Variants in ARHGAP15 observed in about 807,000 individuals in gnomAD.
ARHGAP15 encodes Rho GTPase activating protein 15.
ARHGAP15 carries 51 observed loss-of-function variants against 63.7 expected under a neutral mutation model. That is an observed-to-expected ratio of 0.80 (90% confidence interval 0.64 to 1.01). The LOEUF (loss-of-function observed/expected upper bound fraction) is 1.01. Ranked by LOEUF, ARHGAP15 falls within the 50% of genes least tolerant of loss-of-function variation. The pLI is 0.00. For synonymous variants in ARHGAP15, 191 were observed against 193.8 expected (o/e 0.99, Z 0.12); for missense variants, 560 against 564.6 (o/e 0.99, Z 0.08).
At chr2:143,275,574 C>A (rs1359196157) in intron 6 of ARHGAP15, among the ~76,000 whole-genome samples, 2 of 152,188 alleles carry the variant, frequency 1.3e-5, no homozygotes, top group African/African-American at 4.8e-5. Flanking sequence ...ATTCTCATTA[C>A]TTACTTGAAA....
At chr2:143,707,270 G>T (rs1176585201) in intron 13 of ARHGAP15, among the ~76,000 whole-genome samples, 1 of 152,142 alleles carries the variant, frequency 6.6e-6, no homozygotes, top group African/African-American at 2.4e-5. Context: ...ATTTTTCAAA[G>T]GAAAAGTCCA....
chr2:143,560,846 C>T (rs912307065), intron 11 of ARHGAP15, among the ~76,000 whole-genome samples: 5 of 152,186 alleles, frequency 3.3e-5, no homozygotes, highest in African/African-American at 1.2e-4. Context: ...CGAGGATTCT[C>T]GATTTACTAG....
chr2:143,607,959 C>T (rs1440658090), intron 11 of ARHGAP15: 1 of 152,122 alleles, frequency 6.6e-6, no homozygotes, highest in Non-Finnish European at 1.5e-5. Flanking sequence ...CAAATGTAAG[C>T]ATATTATCAT....
At chr2:143,614,561 A>G (rs1698386303) in intron 11 of ARHGAP15, among the ~76,000 whole-genome samples, 1 of 152,074 alleles carries the variant, frequency 6.6e-6, no homozygotes, top group Non-Finnish European at 1.5e-5. Flanking sequence ...TTGGTATTAT[A>G]TTATGAAATA....
intron 10 of ARHGAP15, among the ~76,000 whole-genome samples, chr2:143,529,354 T>C (rs951502614): frequency 1.8e-4 from 27 of 152,142 alleles, no homozygotes. Context: ...GTGACCTTGA[T>C]TGGGCCTCCA....
intron 12 of ARHGAP15, among the ~76,000 whole-genome samples, chr2:143,626,608 TC>T (rs1698845831): frequency 6.6e-6 from 1 of 152,102 alleles, no homozygotes; most frequent in Non-Finnish European, 1.5e-5. Flanking sequence ...CCCTTATTTG[TC>T]CCCTCCCATG....
At chr2:143,449,855 G>A (rs1046630464) in intron 8 of ARHGAP15, among the ~76,000 whole-genome samples, 2 of 151,604 alleles carry the variant, frequency 1.3e-5, no homozygotes, top group African/African-American at 4.8e-5. Context: ...ACCAAAATGG[G>A]CAAATAATCA....
At chr2:143,646,061 A>G (rs1409566685) in intron 12 of ARHGAP15, among the ~76,000 whole-genome samples, 1 of 152,104 alleles carries the variant, frequency 6.6e-6, no homozygotes, top group Admixed American at 6.6e-5. Flanking sequence ...TAATGTTGAA[A>G]GTAGAAACAG....
chr2:143,371,246 C>T (rs1055703160), intron 6 of ARHGAP15, among the ~76,000 whole-genome samples: 3 of 152,182 alleles, frequency 2.0e-5, no homozygotes, highest in African/African-American at 7.2e-5. Flanking sequence ...GGGTTTGCTG[C>T]ACCTATTAAC....
chr2:143,162,556 G>T (rs1337834796), intron 2 of ARHGAP15: 1 of 151,948 alleles, frequency 6.6e-6, no homozygotes, highest in Non-Finnish European at 1.5e-5. Context: ...AGACATAAAG[G>T]AGAATTACTG....
Position 143,134,455 on chromosome 2 carries a change from C to T in ARHGAP15, c.-15+4989C>T, listed in dbSNP as rs1689049615. ...TTCTGCTATTATGGTTAAAATTGATCTTCTTTTTAAAAGATTAAAGGTCGA... is the reference window on the plus strand; with the variant it reads ...TTCTGCTATTATGGTTAAAATTGATTTTCTTTTTAAAAGATTAAAGGTCGA... On this transcript the variant is annotated intron_variant, in intron 1 of 13. Coordinates refer to ENST00000295095, the MANE Select transcript of ARHGAP15 (RefSeq NM_018460.4). 1.3e-5 allele frequency among the ~76,000 whole-genome samples: 2 copies of T among 152,100 alleles called. 1 individual carries two copies. The highest frequency in any genetic ancestry group is 4.1e-4 in the South Asian group (2 of 4,830).
At chr2:143,293,723 G>A (rs955473517) in intron 6 of ARHGAP15, among the ~76,000 whole-genome samples, 2 of 151,950 alleles carry the variant, frequency 1.3e-5, no homozygotes, top group Non-Finnish European at 2.9e-5. Context: ...TGGGAGGAAG[G>A]AAACGGAAAG....
At chr2:143,145,839 G>GGT (rs4008348) in intron 1 of ARHGAP15, among the ~76,000 whole-genome samples, 2,838 of 142,784 alleles carry the variant, frequency 0.02, 41 homozygotes, top group African/African-American at 0.042. Flanking sequence ...TATGTATAGG[G>GGT]GTGTGTGTGT....
intron 1 of ARHGAP15, among the ~76,000 whole-genome samples, chr2:143,130,226 C>T (rs545257581): frequency 2.0e-5 from 3 of 151,890 alleles, no homozygotes; most frequent in East Asian, 3.9e-4. Flanking sequence ...AATAATAAAC[C>T]TTAGAAATGA....
At chr2:143,370,733 G>GTA (rs1221609217) in intron 6 of ARHGAP15, among the ~76,000 whole-genome samples, 1 of 152,168 alleles carries the variant, frequency 6.6e-6, no homozygotes, top group African/African-American at 2.4e-5. Flanking sequence ...ATGTGGACTA[G>GTA]TATACTTCAT....
intron 5 of ARHGAP15, among the ~76,000 whole-genome samples, chr2:143,232,629 C>A (rs1390296238): frequency 1.3e-5 from 2 of 152,116 alleles, no homozygotes; most frequent in African/African-American, 4.8e-5. Flanking sequence ...GAGTTATAGA[C>A]CCTGCCAGCC....
At chr2:143,486,368 C>T (rs942385908) in intron 8 of ARHGAP15, among the ~76,000 whole-genome samples, 2 of 148,610 alleles carry the variant, frequency 1.3e-5, no homozygotes, top group African/African-American at 5.0e-5. Context: ...CCCAGGAGTT[C>T]GAGACCAGCC....
chr2:143,700,856 T>G (rs1323808163), intron 12 of ARHGAP15, among the ~76,000 whole-genome samples: 1 of 152,166 alleles, frequency 6.6e-6, no homozygotes, highest in Non-Finnish European at 1.5e-5. Context: ...TTTTTTCTGG[T>G]TTATGATATT....
At chr2:143,375,584 GACAT>G (rs1426650025) in intron 6 of ARHGAP15, among the ~76,000 whole-genome samples, 1 of 152,186 alleles carries the variant, frequency 6.6e-6, no homozygotes, top group African/African-American at 2.4e-5. Context: ...ATCCAGTGGT[GACAT>G]ACATAAAGAC....
Sources: gnomAD v4.1 joint callset for allele counts (sites outside exome capture counted in the v4.1 genomes callset) on GRCh38, gnomAD v4.1.1 for gene constraint, MANE v1.5 for transcripts, NCBI Gene and HGNC (gene_info 2026-07-23, HGNC 2026-07-21) for gene names.